The following BMP1 variants were observed in gnomAD, a reference collection of about 807,000 sequenced individuals.
The protein encoded by BMP1 is bone morphogenetic protein 1.
BMP1 carries 63 observed loss-of-function variants against 116.8 expected under a neutral mutation model. That is an observed-to-expected ratio of 0.54 (90% CI 0.44 to 0.67). BMP1 has a LOEUF of 0.67. Ranked by LOEUF, BMP1 falls within the 30% of genes least tolerant of loss-of-function variation. The probability of loss-of-function intolerance (pLI) is 0.00; values close to 1 mark genes in which losing one functional copy is unlikely to be tolerated. For synonymous variants in BMP1, 536 were observed against 533.4 expected (o/e 1.00, Z -0.07); for missense variants, 1,183 against 1,358.9 (o/e 0.87, Z 2.04).
intron 1 of BMP1, 107 bp downstream of exon 1, chr8:22,165,660 T>C: frequency 8.3e-7 from 1 of 1,209,464 alleles, no homozygotes; most frequent in Non-Finnish European, 1.1e-6. Context: ...GGGAGCTGCC[T>C]GGTTGGCAAT....
intron 13 of BMP1, chr8:22,196,254 C>G (rs750172292): frequency 3.8e-6 from 2 of 532,664 alleles, no homozygotes; most frequent in Non-Finnish European, 7.4e-6. Flanking sequence ...CGCATGGTCC[C>G]GAGATGCTGG....
At chr8:22,207,683 G>A (rs936915034) in intron 18 of BMP1, among the ~76,000 whole-genome samples, 167 bp downstream of exon 18, 1 of 152,168 alleles carries the variant, frequency 6.6e-6, no homozygotes, top group African/African-American at 2.4e-5. Flanking sequence ...GGCCTGGGGG[G>A]CAGGGATAGG....
intron 13 of BMP1, 108 bp downstream of exon 13, chr8:22,195,695 G>GCTC: frequency 6.8e-7 from 1 of 1,464,908 alleles, no homozygotes; most frequent in Non-Finnish European, 9.1e-7. Context: ...ACCCAGGCTG[G>GCTC]AAGTACAGTG....
In BMP1 at chr8:22,194,685, A is replaced by T; in HGVS notation, c.1444-39A>T. 1 of 1,591,144 alleles carries T rather than the reference A, an allele frequency of 6.3e-7. No homozygotes were observed. Reference sequence around the variant, plus strand: ...GGGCTCCCAGGGGTGGGTCTCTGGCAGCCAGAGCCCCTTCCACTGATGAAG... The same window carrying T: ...GGGCTCCCAGGGGTGGGTCTCTGGCTGCCAGAGCCCCTTCCACTGATGAAG... On this transcript the variant is annotated intron_variant, in intron 11 of 19. Transcript: ENST00000306385. The surrounding 1 kb of genome is among the most constrained non-coding windows in gnomAD (Gnocchi z 4.5).
rs778373466 is a variant in BMP1, at chr8:22,165,428, C to T, written c.23C>T (p.Pro8Leu). The T allele has an allele frequency of 1.9e-6, 3 of 1,550,760 alleles. No homozygotes were observed. The highest frequency in any genetic ancestry group is 2.4e-5 in the South Asian group (2 of 83,948). The change falls in exon 1 of 20, where the codon CCG (proline) becomes CTG (leucine). Residue 8 changes from proline to leucine, a missense_variant. By Grantham distance (98) the Pro-to-Leu change is moderately conservative. Coordinates refer to ENST00000306385, the MANE Select transcript of BMP1 (RefSeq NM_006129.5). MPGVARL[P>L]LLLGLLLLPR... ...AGCATGCCCGGCGTGGCCCGCCTGC[C>T]GCTGCTGCTCGGGCTGCTGCTGCTC...
chr8:22,190,156 C>T (rs1386133222), intron 8 of BMP1, among the ~76,000 whole-genome samples: 1 of 152,156 alleles, frequency 6.6e-6, no homozygotes, highest in African/African-American at 2.4e-5. Flanking sequence ...AACGCCTGAC[C>T]TCAAGTGATC....
chr8:22,174,438 C>CATGG (rs1358898345), intron 2 of BMP1, among the ~76,000 whole-genome samples: 1 of 152,062 alleles, frequency 6.6e-6, no homozygotes, highest in African/African-American at 2.4e-5. Flanking sequence ...GGTACTTGTG[C>CATGG]ATGGATACAG....
At position 22,194,275 on chromosome 8, in the gene BMP1, C is replaced by T. The variant is rs1829014376; in HGVS notation, c.1297+101C>T. 2 of 1,474,298 alleles carry T rather than the reference C, an allele frequency of 1.4e-6. No homozygotes were observed. Among genetic ancestry groups the T allele is most frequent in the South Asian group, 2.3e-5 (2 of 85,110 alleles). The allele number at this position is 1,474,298 out of a possible 1,614,324, so 91.3% of individuals were successfully genotyped here. ...CCTGAGGGGCAAGATTGTGGGTTCCCAAGGGAAGAAGCAGAGAGAATGATG... is the reference window on the plus strand; with the variant it reads ...CCTGAGGGGCAAGATTGTGGGTTCCTAAGGGAAGAAGCAGAGAGAATGATG... On this transcript the variant is annotated intron_variant, in intron 10 of 19. Coordinates refer to ENST00000306385, the MANE Select transcript of BMP1 (RefSeq NM_006129.5). This position sits in a 1 kb window ranked among gnomAD's most constrained non-coding sequence, Gnocchi z 4.5.
At chr8:22,206,746 C>T (rs1369795841) in intron 16 of BMP1, 108 bp from the exon 17 acceptor site, 2 of 1,499,538 alleles carry the variant, frequency 1.3e-6, no homozygotes, top group East Asian at 2.3e-5. Context: ...ATAAGTGGGA[C>T]AAGAGATGGA....
chr8:22,190,609 C>G (rs1405497433), intron 8 of BMP1, among the ~76,000 whole-genome samples: 1 of 152,146 alleles, frequency 6.6e-6, no homozygotes, highest in Non-Finnish European at 1.5e-5. Flanking sequence ...GGTCGCAGAA[C>G]TGAGCGGCCA....
intron 15 of BMP1, chr8:22,198,495 TA>T (rs934848188): frequency 6.6e-6 from 1 of 152,434 alleles, no homozygotes; most frequent in Admixed American, 6.5e-5. Flanking sequence ...TCTCCAGAGG[TA>T]ACAGGACCCA....
intron 3 of BMP1, 94 bp from the exon 4 acceptor site, chr8:22,176,439 A>G: frequency 1.3e-6 from 2 of 1,557,858 alleles, no homozygotes; most frequent in South Asian, 2.3e-5. Context: ...CTTTCCAGGC[A>G]GTCTGCCCTC....
chr8:22,211,522 G>A (rs1231513232), intron 19 of BMP1, 72 bp from the exon 20 acceptor site: 10 of 1,599,452 alleles, frequency 6.3e-6, no homozygotes, highest in South Asian at 1.1e-5. Flanking sequence ...TCAAAGCTGG[G>A]GATCTTGGGG....
At position 22,179,993 on chromosome 8, in the gene BMP1, C is replaced by T. The variant is rs542814417; in HGVS notation, c.961+164C>T. Reference sequence around the variant, plus strand: ...GGGGCAGTGTCCAAGTGAAGGAGGCCGCTGGGGGTAGGCTCAGGTGGGTGG... The same window carrying T: ...GGGGCAGTGTCCAAGTGAAGGAGGCTGCTGGGGGTAGGCTCAGGTGGGTGG... On this transcript the variant is annotated intron_variant, in intron 7 of 19. Transcript: ENST00000306385. This position sits in a 1 kb window ranked among gnomAD's most constrained non-coding sequence, Gnocchi z 4.6. Among the ~76,000 whole-genome samples, 105 of 152,074 alleles carry T rather than the reference C, an allele frequency of 6.9e-4. No homozygotes were observed. Among genetic ancestry groups the T allele is most frequent in the Admixed American group, 8.5e-4 (13 of 15,278 alleles).
chr8:22,201,182 A>C, intron 15 of BMP1: 1 of 1,613,184 alleles, frequency 6.2e-7, no homozygotes, highest in Non-Finnish European at 8.5e-7. Flanking sequence ...GAGTGCAGAA[A>C]AGAAACCGGA....
chr8:22,196,994 C>A (rs546009491), intron 14 of BMP1, among the ~76,000 whole-genome samples, 154 bp downstream of exon 14: 1 of 152,262 alleles, frequency 6.6e-6, no homozygotes, highest in East Asian at 1.9e-4. Context: ...GCACAGGAGG[C>A]CCAGCAGGGA....
rs369498070 is a variant in BMP1 at position 22,197,260 on chromosome 8, G to T, written c.1947G>T (p.Val649=). The change falls in exon 15 of 20, where the codon GTG becomes GTT. Residue 649 remains valine (V), a synonymous_variant. Coordinates refer to ENST00000306385, the MANE Select transcript of BMP1 (RefSeq NM_006129.5). ...EGNDVCKYDF[V]EVRSGLTADS... is the part of the protein sequence containing the mutation. ...TGCAGGTGTGCAAGTACGACTTCGT[G>T]GAGGTGCGCAGTGGACTCACAGCTG... is the stretch of plus-strand genomic sequence containing the variant. 2.0e-5 allele frequency: 32 copies of T among 1,611,478 alleles called. No individual in the cohort carries two copies. The highest frequency in any genetic ancestry group is 1.7e-6 in the Non-Finnish European group (2 of 1,177,896).
chr8:22,190,515 G>T (rs1828900435), intron 8 of BMP1, among the ~76,000 whole-genome samples: 1 of 152,164 alleles, frequency 6.6e-6, no homozygotes, highest in South Asian at 2.1e-4. Context: ...ATTATGGAGG[G>T]GCAGACAATT....
At chr8:22,183,115 C>A (rs1301307023) in intron 8 of BMP1, among the ~76,000 whole-genome samples, 1 of 150,396 alleles carries the variant, frequency 6.6e-6, no homozygotes, top group Non-Finnish European at 1.5e-5. Flanking sequence ...TTCTGAATCT[C>A]ACTTAAAAAA....
Sources: allele counts gnomAD v4.1 joint callset (sites outside exome capture counted in the v4.1 genomes callset), GRCh38; gene constraint gnomAD v4.1.1; non-coding constraint Gnocchi (gnomAD v3.1); transcripts MANE v1.5; gene names NCBI Gene and HGNC (gene_info 2026-07-23, HGNC 2026-07-21).